Variants in ITPRID1 observed in about 807,000 individuals in gnomAD.
ITPRID1 encodes the protein protein ITPRID1.
A neutral mutation model predicts 95.4 loss-of-function variants in ITPRID1; 96 were observed. That is an observed-to-expected ratio of 1.01 (90% CI 0.85 to 1.19). The LOEUF is 1.19. Ranked by LOEUF, ITPRID1 falls within the 50% of genes most tolerant of loss-of-function variation. The probability of loss-of-function intolerance (pLI) is 0.00; values close to 1 mark genes in which losing one functional copy is unlikely to be tolerated. For synonymous variants in ITPRID1, 510 were observed against 453.6 expected (o/e 1.12, Z -1.58); for missense variants, 1,339 against 1,252.9 (o/e 1.07, Z -1.04).
intron 10 of ITPRID1, among the ~76,000 whole-genome samples, chr7:31,612,175 A>C (rs1239303946): frequency 6.6e-6 from 1 of 151,572 alleles, no homozygotes; most frequent in Non-Finnish European, 1.5e-5. Context: ...ATATTTTGCA[A>C]CTCTAAACTC....
intron 10 of ITPRID1, among the ~76,000 whole-genome samples, chr7:31,612,693 C>T (rs887838964): frequency 2.0e-5 from 3 of 152,056 alleles, no homozygotes. Flanking sequence ...TTTGTTGGAG[C>T]ATGCCTTCAA....
chr7:31,592,830 A>G (rs1490850186), intron 10 of ITPRID1, among the ~76,000 whole-genome samples: 2 of 152,212 alleles, frequency 1.3e-5, no homozygotes, highest in African/African-American at 4.8e-5. Context: ...GTATGGAAAA[A>G]TTGAACTCAA....
intron 5 of ITPRID1, among the ~76,000 whole-genome samples, chr7:31,564,109 C>G (rs1226695152): frequency 1.3e-5 from 2 of 152,040 alleles, no homozygotes; most frequent in Non-Finnish European, 2.9e-5. Flanking sequence ...TTAGGAAAAC[C>G]AAAATAAAAA....
chr7:31,615,151 G>C (rs563565199), intron 10 of ITPRID1, among the ~76,000 whole-genome samples: 4 of 152,080 alleles, frequency 2.6e-5, no homozygotes, highest in Admixed American at 1.3e-4. Context: ...AGAAACAAGG[G>C]TGATCTAGGT....
intron 1 of ITPRID1, among the ~76,000 whole-genome samples, chr7:31,537,073 G>A (rs1184422239): frequency 7.8e-6 from 1 of 128,954 alleles, no homozygotes. Flanking sequence ...CCTATTTATT[G>A]TATGCCTAGA....
intron 10 of ITPRID1, among the ~76,000 whole-genome samples, chr7:31,621,916 C>A (rs1583614829): frequency 2.0e-5 from 3 of 151,110 alleles, no homozygotes; most frequent in South Asian, 2.1e-4. Context: ...GAAGATCTAC[C>A]AAGCCAATGG....
intron 10 of ITPRID1, among the ~76,000 whole-genome samples, chr7:31,595,786 ATGATT>A (rs2128156980): frequency 6.6e-6 from 1 of 152,224 alleles, no homozygotes; most frequent in Non-Finnish European, 1.5e-5. Context: ...GAAGAAACAA[ATGATT>A]TGATATGTAA....
At chr7:31,520,616 T>A (rs916021722) in intron 1 of ITPRID1, among the ~76,000 whole-genome samples, 2 of 150,682 alleles carry the variant, frequency 1.3e-5, no homozygotes, top group Non-Finnish European at 3.0e-5. Context: ...CACTATAAAG[T>A]GATATAAGCT....
intron 10 of ITPRID1, among the ~76,000 whole-genome samples, chr7:31,609,190 A>G (rs959031508): frequency 5.9e-5 from 9 of 151,662 alleles, no homozygotes; most frequent in Non-Finnish European, 7.4e-5. Context: ...ATCATGGCAT[A>G]TAATCCATTT....
At chr7:31,540,855 G>A (rs1783911805) in intron 1 of ITPRID1, among the ~76,000 whole-genome samples, 1 of 152,156 alleles carries the variant, frequency 6.6e-6, no homozygotes, top group East Asian at 1.9e-4. Context: ...CCTCTACAGG[G>A]ACTGTGTACA....
chr7:31,601,305 T>C (rs1388641855), intron 10 of ITPRID1, among the ~76,000 whole-genome samples: 1 of 152,204 alleles, frequency 6.6e-6, no homozygotes, highest in Non-Finnish European at 1.5e-5. Flanking sequence ...CTTCAGTCAC[T>C]TTACACATAT....
chr7:31,577,774 GT>G, intron 8 of ITPRID1, 88 bp from the exon 9 acceptor site: 1 of 1,115,450 alleles, frequency 9.0e-7, no homozygotes, highest in East Asian at 2.6e-5. Flanking sequence ...AAAATTTCAT[GT>G]TAACGGACCC....
intron 10 of ITPRID1, among the ~76,000 whole-genome samples, chr7:31,629,999 C>T (rs1788845469): frequency 6.6e-6 from 1 of 151,856 alleles, no homozygotes; most frequent in South Asian, 2.1e-4. Flanking sequence ...AACACACACA[C>T]ACAAAATTGC....
At chr7:31,546,322 A>G (rs1562559798) in intron 1 of ITPRID1, among the ~76,000 whole-genome samples, 1 of 152,110 alleles carries the variant, frequency 6.6e-6, no homozygotes, top group South Asian at 2.1e-4. Context: ...TTACTCCAAT[A>G]ATTTTTGTAA....
At chr7:31,553,892 G>A (rs893083156) in intron 3 of ITPRID1, among the ~76,000 whole-genome samples, 1 of 152,194 alleles carries the variant, frequency 6.6e-6, no homozygotes, top group Non-Finnish European at 1.5e-5. Context: ...CTTTTTACCT[G>A]TTGACTATTT....
At chr7:31,630,255 A>AAAC (rs1788873821) in intron 10 of ITPRID1, among the ~76,000 whole-genome samples, 1 of 151,634 alleles carries the variant, frequency 6.6e-6, no homozygotes, top group Non-Finnish European at 1.5e-5. Context: ...AAAAAAAAAA[A>AAAC]AAAAAAACAT....
intron 5 of ITPRID1, among the ~76,000 whole-genome samples, chr7:31,566,291 G>A (rs969987806): frequency 6.6e-6 from 1 of 152,168 alleles, no homozygotes; most frequent in Non-Finnish European, 1.5e-5. Flanking sequence ...CTGACAGTTC[G>A]TGCAATGCAC....
At chr7:31,564,213 G>A (rs148070693) in intron 5 of ITPRID1, among the ~76,000 whole-genome samples, 2 of 152,308 alleles carry the variant, frequency 1.3e-5, no homozygotes, top group East Asian at 3.9e-4. Context: ...TAAGTGCGGT[G>A]TCTGCTGCTT....
chr7:31,643,504 A>G lies in ITPRID1; in HGVS notation c.2134A>G (p.Met712Val). 1 of 1,613,986 alleles carries G rather than the reference A, an allele frequency of 6.2e-7. No homozygotes were observed. Among genetic ancestry groups the G allele is most frequent in the Non-Finnish European group, 8.5e-7 (1 of 1,179,896 alleles). Residue 712 changes from methionine (M) to valine (V), a missense_variant, in exon 12 of 15, where the codon ATG becomes GTG. Met to Val is a conservative substitution (Grantham distance 21). Coordinates refer to ENST00000615280, the MANE Select transcript of ITPRID1 (RefSeq NM_001257967.3). ...TGSSRSVMTQ[M>V]SSSLVSAAQR... is the part of the protein sequence containing the mutation. ...CAGCTCCAGGTCTGTAATGACCCAG[A>G]TGTCCTCCAGCCTGGTGTCGGCTGC... is the stretch of plus-strand genomic sequence containing the variant.
Sources: gnomAD v4.1 joint callset for allele counts (sites outside exome capture counted in the v4.1 genomes callset) on GRCh38, gnomAD v4.1.1 for gene constraint, MANE v1.5 for transcripts, NCBI Gene and HGNC (gene_info 2026-07-23, HGNC 2026-07-21) for gene names.